Variants in LMBR1 observed in about 807,000 individuals in gnomAD.
The protein encoded by LMBR1 is limb development membrane protein 1.
LMBR1 carries 52 observed loss-of-function variants against 73.9 expected under a neutral mutation model. The ratio of observed to expected loss-of-function variants is 0.70; its 90% CI spans 0.56 to 0.89. The LOEUF (loss-of-function observed/expected upper bound fraction) is 0.89. LMBR1 is among the 40% of genes least tolerant of loss of function. The pLI is 0.00. For synonymous variants in LMBR1, 215 were observed against 209.4 expected, an observed-to-expected ratio of 1.03 and a Z score of -0.23; for missense variants, 539 against 579.8, an observed-to-expected ratio of 0.93 and a Z score of 0.72.
intron 4 of LMBR1, among the ~76,000 whole-genome samples, chr7:156,800,067 G>A (rs766418198): frequency 8.5e-5 from 13 of 152,332 alleles, no homozygotes; most frequent in South Asian, 2.1e-4. Context: ...AAAAGTGCAA[G>A]GTGAAGCAGC....
chr7:156,886,341 A>C (rs1801899285), intron 1 of LMBR1, among the ~76,000 whole-genome samples: 1 of 152,178 alleles, frequency 6.6e-6, no homozygotes, highest in Non-Finnish European at 1.5e-5. Context: ...AGGAGCTATG[A>C]ATATTCACAA....
intron 5 of LMBR1, among the ~76,000 whole-genome samples, chr7:156,781,478 C>T (rs990624789): frequency 2.6e-4 from 40 of 152,078 alleles, no homozygotes; most frequent in Non-Finnish European, 1.0e-4. Context: ...GGGCAGGTAT[C>T]AGTGCAGATG....
intron 9 of LMBR1, among the ~76,000 whole-genome samples, chr7:156,734,619 C>T (rs1032142945): frequency 7.9e-5 from 12 of 152,122 alleles, no homozygotes; most frequent in East Asian, 1.9e-4. Context: ...CCAAAACCAC[C>T]AGTACCACAA....
intron 4 of LMBR1, among the ~76,000 whole-genome samples, chr7:156,820,616 T>C (rs1020970968): frequency 3.3e-5 from 5 of 152,206 alleles, no homozygotes; most frequent in Admixed American, 1.3e-4. Flanking sequence ...TATGGAGATA[T>C]CCTTTCTAAG....
chr7:156,747,334 T>C (rs989890731), intron 9 of LMBR1, among the ~76,000 whole-genome samples: 15 of 152,146 alleles, frequency 9.9e-5, no homozygotes, highest in African/African-American at 3.6e-4. Flanking sequence ...GCTTTATTCT[T>C]AAGCTGAAAA....
chr7:156,873,770 A>G (rs547036093), intron 1 of LMBR1, among the ~76,000 whole-genome samples: 1 of 151,216 alleles, frequency 6.6e-6, no homozygotes, highest in South Asian at 2.1e-4. Flanking sequence ...TCCCTGAGCT[A>G]GACATAAAGG....
rs377228493 is a variant in LMBR1, at chr7:156,845,129, T to C, written c.67-8244A>G. On this transcript the variant is annotated intron_variant, in intron 1 of 16. Transcript: ENST00000353442. ...ACAAAACCCATGATGGATATACCAA[T>C]TGCCCTGATTATTTGAATGTATCAA... 2.6e-5 allele frequency among the ~76,000 whole-genome samples: 4 copies of C among 152,166 alleles called. No homozygotes were observed. In the East Asian group the frequency reaches 7.7e-4, roughly 29 times the overall value.
Position 156,763,710 on chromosome 7 carries a change from G to A in LMBR1, c.509C>T (p.Ala170Val), listed in dbSNP as rs779445709. The change falls in exon 6 of 17, where the codon GCA becomes GTA. Residue 170 changes from alanine to valine, a missense_variant. Transcript: ENST00000353442. ...LILGIVWVAS[A>V]LIDNDAASME... The stretch of plus-strand genomic sequence containing the variant: ...GCTTGCGGCATCGTTGTCAATGAGT[G>A]CTGAAGCTACCCACACTATCCCAAG... 3.7e-6 allele frequency: 6 copies of A among 1,603,868 alleles called. No individual in the cohort carries two copies. Among genetic ancestry groups the A allele is most frequent in the Non-Finnish European group, 5.1e-6 (6 of 1,177,646 alleles).
chr7:156,720,323 G>T (rs112109924), intron 15 of LMBR1, among the ~76,000 whole-genome samples: 3 of 152,202 alleles, frequency 2.0e-5, no homozygotes, highest in South Asian at 2.1e-4. Flanking sequence ...ATTATTTTCC[G>T]CATGAAAATT....
chr7:156,850,637 TTA>T (rs1278378599), intron 1 of LMBR1, among the ~76,000 whole-genome samples: 1 of 151,924 alleles, frequency 6.6e-6, no homozygotes, highest in Non-Finnish European at 1.5e-5. Flanking sequence ...TCCAGACATT[TTA>T]TGAGAAAAAC....
chr7:156,879,228 C>G (rs1288833612), intron 1 of LMBR1, among the ~76,000 whole-genome samples: 1 of 152,158 alleles, frequency 6.6e-6, no homozygotes, highest in African/African-American at 2.4e-5. Context: ...TTTTGCATGG[C>G]AAAAGGAACA....
intron 9 of LMBR1, among the ~76,000 whole-genome samples, chr7:156,742,005 T>C (rs1818990265): frequency 6.6e-6 from 1 of 151,998 alleles, no homozygotes; most frequent in Admixed American, 6.6e-5. Context: ...TTCAAAACTA[T>C]ACAAACACAT....
intron 15 of LMBR1, among the ~76,000 whole-genome samples, chr7:156,723,854 C>T (rs543906614): frequency 2.3e-4 from 35 of 152,154 alleles, no homozygotes; most frequent in Non-Finnish European, 2.9e-4. Flanking sequence ...TCAGTAAAAA[C>T]AAAATACAAC....
At chr7:156,820,863 C>T (rs1834676028) in intron 4 of LMBR1, among the ~76,000 whole-genome samples, 1 of 152,180 alleles carries the variant, frequency 6.6e-6, no homozygotes, top group South Asian at 2.1e-4. Flanking sequence ...CATGACCCAG[C>T]AGATCCAAGG....
downstream of LMBR1, chr7:156,676,393 G>A: frequency 2.5e-6 from 4 of 1,614,026 alleles, no homozygotes; most frequent in South Asian, 2.2e-5. Context: ...AACCCGCGTG[G>A]CCTCTTCCCG....
At chr7:156,695,372 A>G (rs1441568260) in intron 15 of LMBR1, among the ~76,000 whole-genome samples, 1 of 152,182 alleles carries the variant, frequency 6.6e-6, no homozygotes, top group Non-Finnish European at 1.5e-5. Context: ...CAGACTGGGT[A>G]ATTTATAAAG....
intron 5 of LMBR1, among the ~76,000 whole-genome samples, chr7:156,769,963 G>T (rs1481041379): frequency 1.3e-5 from 2 of 152,054 alleles, no homozygotes; most frequent in Non-Finnish European, 2.9e-5. Flanking sequence ...GAAAACGCAG[G>T]AATGCTTACG....
rs755955447 is a variant in LMBR1 at position 156,725,541 on chromosome 7, A to C, written c.1068-16T>G. ...CATAAGATAGCTGTGAGAATCAAGG[A>C]AAAAAACTCTCCAACAGAATGCAAG... On this transcript the variant is annotated splice_polypyrimidine_tract_variant and intron_variant, in intron 13 of 16. Coordinates refer to ENST00000353442, the MANE Select transcript of LMBR1 (RefSeq NM_022458.4). 5.9e-6 allele frequency: 9 copies of C among 1,536,206 alleles called. No homozygotes were observed. The highest frequency in any genetic ancestry group is 7.1e-6 in the Non-Finnish European group (8 of 1,125,560).
In LMBR1 at chr7:156,685,689, T is replaced by C. The variant is rs1431293160; in HGVS notation, c.1388-1526A>G. On this transcript the variant is annotated intron_variant, in intron 16 of 16. Transcript: ENST00000353442. The surrounding 1 kb of genome is among the most constrained non-coding windows in gnomAD (Gnocchi z 4.1). ...ATCATCTGCTGTGGCCACTGTCACA[T>C]AGGCAAGTGGTCTGTTATTGACCAA... Among the ~76,000 whole-genome samples, 2 of 152,248 alleles carry C rather than the reference T, an allele frequency of 1.3e-5. No homozygotes were observed. The highest frequency in any genetic ancestry group is 1.9e-4 in the East Asian group (1 of 5,202).
Sources: gnomAD v4.1 joint callset for allele counts (sites outside exome capture counted in the v4.1 genomes callset) on GRCh38, gnomAD v4.1.1 for gene constraint, Gnocchi (gnomAD v3.1) non-coding constraint, MANE v1.5 for transcripts, NCBI Gene and HGNC (gene_info 2026-07-23, HGNC 2026-07-21) for gene names.